Variants in SMO observed in about 807,000 individuals in gnomAD.
SMO encodes smoothened, frizzled class receptor, also known as protein smoothened.
Under a neutral mutation model 81.6 loss-of-function variants are expected in SMO, and 40 were observed. That is an observed-to-expected ratio of 0.49 (90% CI 0.38 to 0.64). SMO has a LOEUF of 0.64. Among genes scored for constraint, SMO ranks in the 30% least tolerant of loss-of-function variants. The pLI is 0.00. For synonymous variants in SMO, 434 were observed against 432.1 expected, an observed-to-expected ratio of 1.00 and a Z score of -0.05; for missense variants, 916 against 1,061.1, an observed-to-expected ratio of 0.86 and a Z score of 1.90.
intron 1 of SMO, among the ~76,000 whole-genome samples, chr7:129,200,695 A>G (rs771073980): frequency 2.6e-5 from 4 of 152,204 alleles, no homozygotes; most frequent in Non-Finnish European, 5.9e-5. Context: ...TTGTTACCAC[A>G]GATATAAAAA....
In SMO at chr7:129,209,406, G is replaced by A. The variant is rs756122376; in HGVS notation, c.1466+9G>A. On this transcript the variant is annotated intron_variant, in intron 8 of 11. Transcript: ENST00000249373. ...TTCCGGGACTATGTGCTGTGAGTGA[G>A]GGGCATGGAGGCGGCAGTGCTGGGA... 1.0e-5 allele frequency: 16 copies of A among 1,574,424 alleles called. No homozygotes were observed. Among genetic ancestry groups the A allele is most frequent in the Admixed American group, 1.7e-5 (1 of 59,924 alleles).
intron 2 of SMO, among the ~76,000 whole-genome samples, chr7:129,204,665 T>TA (rs1178433445): frequency 6.7e-6 from 1 of 149,232 alleles, no homozygotes; most frequent in Non-Finnish European, 1.5e-5. Flanking sequence ...ATATATATAA[T>TA]ATATGTTTAT....
rs1793767590 is a variant in SMO at position 129,206,477 on chromosome 7, CTG to C, written c.1157_1158del (p.Val386GlufsTer53). 6.2e-7 allele frequency: 1 copy of C among 1,614,090 alleles called. No individual in the cohort carries two copies. Among genetic ancestry groups the C allele is most frequent in the Non-Finnish European group, 8.5e-7 (1 of 1,179,974 alleles). ...TTCCTGCTGCAGGTGGATGGGGACTCTGTGAGTGGGATTTGTTTTGTGGGCTA... is the reference window on the plus strand; with the variant it reads ...TTCCTGCTGCAGGTGGATGGGGACTCTGAGTGGGATTTGTTTTGTGGGCTA... On this transcript the variant is annotated frameshift_variant, in exon 6 of 12. Transcript: ENST00000249373. LOFTEE classifies it high-confidence loss of function. The surrounding 1 kb of genome is among the most constrained non-coding windows in gnomAD (Gnocchi z 4.4).
At chr7:129,201,517 T>C (rs922464746) in intron 1 of SMO, among the ~76,000 whole-genome samples, 2 of 152,134 alleles carry the variant, frequency 1.3e-5, no homozygotes, top group African/African-American at 4.8e-5. Flanking sequence ...GCCACCACAT[T>C]GAATTCAAGA....
Position 129,211,649 on chromosome 7 carries a change from T to C in SMO, c.1815T>C (p.Phe605=), listed in dbSNP as rs751991298. 8 of 1,613,122 alleles carry C rather than the reference T, an allele frequency of 5.0e-6. No homozygotes were observed. Among genetic ancestry groups the C allele is most frequent in the Non-Finnish European group, 6.8e-6 (8 of 1,179,980 alleles). ...SHDGPVAGLA[F]DLNEPSADVS... is the part of the protein sequence containing the mutation. ...CCATTCCCACAGCGGGCTTGGCCTT[T>C]GACCTCAATGAGCCCTCAGCTGATG... Residue 605 remains phenylalanine, a synonymous_variant, in exon 11 of 12, where the codon TTT becomes TTC. Transcript: ENST00000249373. This position sits in a 1 kb window ranked among gnomAD's most constrained non-coding sequence, Gnocchi z 4.6.
At chr7:129,196,131 CA>C (rs1226586856) in intron 1 of SMO, among the ~76,000 whole-genome samples, 75 of 144,448 alleles carry the variant, frequency 5.2e-4, no homozygotes, top group African/African-American at 1.7e-3. Context: ...AAAAAAAAAA[CA>C]AAAAAAAATT....
Position 129,206,504 on chromosome 7 carries a change from A to G in SMO, c.1181A>G (p.Tyr394Cys), listed in dbSNP as rs2150650696. ...DSVSGICFVG[Y>C]KNYRYRAGFV... is the part of the protein sequence containing the mutation. ...GTGAGTGGGATTTGTTTTGTGGGCT[A>G]CAAGAACTACCGATACCGTGCGGGC... The change falls in exon 6 of 12, where the codon TAC becomes TGC. Residue 394 changes from tyrosine to cysteine, a missense_variant. Physicochemically the swap from Tyr to Cys is radical, Grantham distance 194. This residue lies in a region of SMO where 436 missense variants were observed against 570.9 expected (regional missense o/e 0.76). Coordinates refer to ENST00000249373, the MANE Select transcript of SMO (RefSeq NM_005631.5). The surrounding 1 kb of genome is among the most constrained non-coding windows in gnomAD (Gnocchi z 4.4). The G allele has an allele frequency of 6.2e-7, 1 of 1,614,126 alleles. No individual in the cohort carries two copies. The highest frequency in any genetic ancestry group is 8.5e-7 in the Non-Finnish European group (1 of 1,180,006).
chr7:129,194,284 A>G (rs764181175), intron 1 of SMO, among the ~76,000 whole-genome samples: 2 of 151,974 alleles, frequency 1.3e-5, no homozygotes, highest in Non-Finnish European at 2.9e-5. Flanking sequence ...TGCAGTGGCT[A>G]TTCAGAGGCT....
In SMO at chr7:129,189,853, G is replaced by C. The variant is rs55943687; in HGVS notation, c.331+371G>C. Among the ~76,000 whole-genome samples the C allele has an allele frequency of 0.14, 20,986 of 152,036 alleles. 1,837 individuals carry two copies. The highest frequency in any genetic ancestry group is 0.24 in the African/African-American group (10,071 of 41,424). Reference sequence around the variant, plus strand: ...GTGCCGGGGGATTCAAGGAGGTGTTGAAGACCCTGGGGAAATTGGAGTTGG... The same window carrying C: ...GTGCCGGGGGATTCAAGGAGGTGTTCAAGACCCTGGGGAAATTGGAGTTGG... On this transcript the variant is annotated intron_variant, in intron 1 of 11. Transcript: ENST00000249373. This position sits in a 1 kb window ranked among gnomAD's most constrained non-coding sequence, Gnocchi z 4.7.
At position 129,212,585 on chromosome 7, in the gene SMO, C is replaced by A; in HGVS notation, c.*134C>A. On this transcript the variant is annotated 3_prime_UTR_variant, in exon 12 of 12. Coordinates refer to ENST00000249373, the MANE Select transcript of SMO (RefSeq NM_005631.5). The surrounding 1 kb of genome is among the most constrained non-coding windows in gnomAD (Gnocchi z 5.0). ...GGCTGACTGCCCTCCGAAGAGAGTTCTGGATGTCTGGCTCAAAGCAGCAGG... is the reference window on the plus strand; with the variant it reads ...GGCTGACTGCCCTCCGAAGAGAGTTATGGATGTCTGGCTCAAAGCAGCAGG... The A allele has an allele frequency of 1.2e-6, 1 of 810,512 alleles. No individual in the cohort carries two copies. Among genetic ancestry groups the A allele is most frequent in the Non-Finnish European group, 1.9e-6 (1 of 522,868 alleles). 50.2% of individuals were successfully genotyped at this position (810,512 alleles called of 1,614,324 possible).
chr7:129,193,930 C>A (rs1793526842), intron 1 of SMO, among the ~76,000 whole-genome samples: 1 of 146,110 alleles, frequency 6.8e-6, no homozygotes, highest in Non-Finnish European at 1.5e-5. Flanking sequence ...CAAAGTGAGA[C>A]CCCATCTCTA....
At position 129,211,736 on chromosome 7, in the gene SMO, C is replaced by A. The variant is rs2150655760; in HGVS notation, c.1902C>A (p.Pro634=). 1 of 1,614,066 alleles carries A rather than the reference C, an allele frequency of 6.2e-7. No homozygotes were observed. The highest frequency in any genetic ancestry group is 8.5e-7 in the Non-Finnish European group (1 of 1,180,004). ...TGGCTCGGAGAGGAGCCATACTGCC[C>A]CAGGATATTTCTGTCACCCCTGTGG... is the stretch of plus-strand genomic sequence containing the variant. ...KMVARRGAIL[P]QDISVTPVAT... Residue 634 remains proline, a synonymous_variant, in exon 11 of 12, where the codon CCC becomes CCA. Coordinates refer to ENST00000249373, the MANE Select transcript of SMO (RefSeq NM_005631.5). This position sits in a 1 kb window ranked among gnomAD's most constrained non-coding sequence, Gnocchi z 4.6.
rs1793815464 is a variant in SMO, at chr7:129,208,819, C to T, written c.1325C>T (p.Ala442Val). The change falls in exon 7 of 12, where the codon GCC becomes GTC. Residue 442 changes from alanine to valine, a missense_variant. Transcript: ENST00000249373. This position sits in a 1 kb window ranked among gnomAD's most constrained non-coding sequence, Gnocchi z 5.2. ...NHPGLLSEKA[A>V]SKINETMLRL... ...CCCGGGCTGCTGAGTGAGAAGGCTGCCAGCAAGATCAACGAGACCATGCTG... is the reference window on the plus strand; with the variant it reads ...CCCGGGCTGCTGAGTGAGAAGGCTGTCAGCAAGATCAACGAGACCATGCTG... The T allele has an allele frequency of 6.2e-7, 1 of 1,613,806 alleles. No homozygotes were observed. Among genetic ancestry groups the T allele is most frequent in the Non-Finnish European group, 8.5e-7 (1 of 1,179,826 alleles).
rs1418457699 is a variant in SMO at position 129,210,392 on chromosome 7, C to T, written c.1496C>T (p.Pro499Leu). 6.2e-7 allele frequency: 1 copy of T among 1,613,936 alleles called. No individual in the cohort carries two copies. The highest frequency in any genetic ancestry group is 8.5e-7 in the Non-Finnish European group (1 of 1,179,784). ...CAGGCCAATGTGACCATCGGGCTGCCCACCAAGCAGCCCATCCCTGACTGT... is the reference window on the plus strand; with the variant it reads ...CAGGCCAATGTGACCATCGGGCTGCTCACCAAGCAGCCCATCCCTGACTGT... ...LCQANVTIGL[P>L]TKQPIPDCEI... Residue 499 changes from proline to leucine, a missense_variant, in exon 9 of 12, where the codon CCC (proline) becomes CTC (leucine). Transcript: ENST00000249373. This position sits in a 1 kb window ranked among gnomAD's most constrained non-coding sequence, Gnocchi z 4.7.
At chr7:129,202,427 A>G (rs1017091694) in intron 1 of SMO, among the ~76,000 whole-genome samples, 1 of 152,116 alleles carries the variant, frequency 6.6e-6, no homozygotes, top group Non-Finnish European at 1.5e-5. Context: ...ACCGGCACCC[A>G]TGTTGGCTCT....
At chr7:129,201,935 C>T (rs1417528636) in intron 1 of SMO, among the ~76,000 whole-genome samples, 1 of 152,122 alleles carries the variant, frequency 6.6e-6, no homozygotes, top group Non-Finnish European at 1.5e-5. Flanking sequence ...CCCGCCTTTG[C>T]CTCCCAAAGT....
intron 1 of SMO, among the ~76,000 whole-genome samples, chr7:129,201,086 G>C (rs149884134): frequency 6.6e-6 from 1 of 151,762 alleles, no homozygotes; most frequent in African/African-American, 2.4e-5. Context: ...TTGCTCTGTC[G>C]CCTAGGCTGG....
Position 129,189,832 on chromosome 7 carries a change from CG to C in SMO, c.331+355del, listed in dbSNP as rs537794707. On this transcript the variant is annotated intron_variant, in intron 1 of 11. Transcript: ENST00000249373. The surrounding 1 kb of genome is among the most constrained non-coding windows in gnomAD (Gnocchi z 4.7). ...TCCACCTATTCTGGAAGCAGGGTGC[CG>C]GGGGATTCAAGGAGGTGTTGAAGAC... Among the ~76,000 whole-genome samples the C allele has an allele frequency of 2.2e-3, 338 of 151,992 alleles. 3 individuals are homozygous for C. The highest frequency in any genetic ancestry group is 7.7e-3 in the African/African-American group (320 of 41,424).
Position 129,206,382 on chromosome 7 carries a change from G to T in SMO, c.1140+13G>T, listed in dbSNP as rs56358283. ...TGCTGTGGCGCAGGTATAGTGACTG[G>T]TAGGAACGGGAGACCTGGATGGGGT... On this transcript the variant is annotated intron_variant, in intron 5 of 11. Coordinates refer to ENST00000249373, the MANE Select transcript of SMO (RefSeq NM_005631.5). The surrounding 1 kb of genome is among the most constrained non-coding windows in gnomAD (Gnocchi z 4.4). The T allele has an allele frequency of 3.1e-6, 5 of 1,613,988 alleles. No homozygotes were observed. In the African/African-American group the frequency reaches 6.7e-5, roughly 22 times the overall value.
Sources: allele counts gnomAD v4.1 joint callset (sites outside exome capture counted in the v4.1 genomes callset), GRCh38; gene constraint gnomAD v4.1.1; regional missense constraint gnomAD v4.1.1; non-coding constraint Gnocchi (gnomAD v3.1); transcripts MANE v1.5; gene names NCBI Gene and HGNC (gene_info 2026-07-23, HGNC 2026-07-21).